NAT10: variants seen among roughly 807,000 people sequenced by gnomAD.
NAT10 encodes the protein RNA cytidine acetyltransferase.
Under a neutral mutation model 132.2 loss-of-function variants are expected in NAT10, and 109 were observed. The observed-to-expected ratio is 0.82, with a 90% CI of 0.71 to 0.97. The LOEUF (loss-of-function observed/expected upper bound fraction) is 0.97. NAT10 is among the 50% of genes least tolerant of loss of function. The pLI, the probability that NAT10 is intolerant of heterozygous loss-of-function variation, is 0.00. For missense variants in NAT10, 1,184 were observed against 1,263.4 expected (o/e 0.94, Z 0.95); for synonymous variants, 479 against 478.0 (o/e 1.00, Z -0.03).
intron 19 of NAT10, among the ~76,000 whole-genome samples, chr11:34,136,358 A>G (rs1334882566): frequency 6.6e-6 from 1 of 152,210 alleles, no homozygotes; most frequent in Non-Finnish European, 1.5e-5. Flanking sequence ...CTGGGATTAC[A>G]GGCATGAGCC....
chr11:34,125,623 G>T (rs1401660597), intron 11 of NAT10, among the ~76,000 whole-genome samples: 1 of 152,182 alleles, frequency 6.6e-6, no homozygotes, highest in Non-Finnish European at 1.5e-5. Flanking sequence ...CCTTGAAGAA[G>T]ACAAGATCTG....
chr11:34,137,173 T>C, intron 21 of NAT10, 147 bp downstream of exon 21: 1 of 794,672 alleles, frequency 1.3e-6, no homozygotes, highest in Non-Finnish European at 2.1e-6. Flanking sequence ...CTGATGGACA[T>C]GGAAACAGCC....
Position 34,108,798 on chromosome 11 carries a change from G to C in NAT10, c.165G>C (p.Val55=), listed in dbSNP as rs781170067. The change falls in exon 3 of 29, where the codon GTG becomes GTC. Residue 55 remains valine (V), a synonymous_variant. Coordinates refer to ENST00000257829, the MANE Select transcript of NAT10 (RefSeq NM_024662.3). ...SKATVKARPS[V]LWCYKKELGF... ...CAACTGTGAAGGCTCGGCCTTCAGT[G>C]CTGTGGTGTTATAAGAAAGAGCTGG... 2 of 1,613,888 alleles carry C rather than the reference G, an allele frequency of 1.2e-6. No individual in the cohort carries two copies. The highest frequency in any genetic ancestry group is 2.7e-5 in the African/African-American group (2 of 74,922).
chr11:34,108,055 T>C (rs1419560452), intron 1 of NAT10, among the ~76,000 whole-genome samples, 156 bp from the exon 2 acceptor site: 1 of 152,216 alleles, frequency 6.6e-6, no homozygotes, highest in African/African-American at 2.4e-5. Flanking sequence ...AGTTTAAAAC[T>C]AGAGGCTGAT....
chr11:34,113,749 A>C lies in NAT10; in HGVS notation c.406A>C (p.Arg136=), dbSNP rs1851738511. 2 of 1,613,418 alleles carry C rather than the reference A, an allele frequency of 1.2e-6. No individual in the cohort carries two copies. The highest frequency in any genetic ancestry group is 2.7e-5 in the African/African-American group (2 of 74,870). ...AGCCTTAACTCCAAACTTGCTGGCC[A>C]GGACTGTAGAAACAGTGGAAGGTGG... ...FEALTPNLLA[R]TVETVEGGGL... is the part of the protein sequence containing the mutation. The change falls in exon 5 of 29, where the codon AGG becomes CGG. Residue 136 remains arginine, a synonymous_variant. Coordinates refer to ENST00000257829, the MANE Select transcript of NAT10 (RefSeq NM_024662.3).
intron 21 of NAT10, 58 bp downstream of exon 21, chr11:34,137,084 G>A: frequency 1.9e-6 from 3 of 1,591,486 alleles, no homozygotes; most frequent in Non-Finnish European, 2.6e-6. Flanking sequence ...TAGGTGACAG[G>A]CCTGTCCTTG....
At chr11:34,109,275 G>C (rs988750789) in intron 3 of NAT10, among the ~76,000 whole-genome samples, 2 of 151,982 alleles carry the variant, frequency 1.3e-5, no homozygotes, top group African/African-American at 4.8e-5. Context: ...TCTTTCCTCT[G>C]CTGGCCACCC....
intron 8 of NAT10, among the ~76,000 whole-genome samples, chr11:34,118,886 A>G (rs1851834463): frequency 6.6e-6 from 1 of 152,208 alleles, no homozygotes; most frequent in Non-Finnish European, 1.5e-5. Flanking sequence ...CTGAGATTAC[A>G]GGCATGATCC....
At chr11:34,137,915 C>T (rs1235737308) in intron 21 of NAT10, among the ~76,000 whole-genome samples, 6 of 152,186 alleles carry the variant, frequency 3.9e-5, no homozygotes, top group Non-Finnish European at 7.3e-5. Context: ...GATTTGTCAG[C>T]AGCGGTGAGC....
intron 1 of NAT10, among the ~76,000 whole-genome samples, chr11:34,106,806 C>T (rs943861324): frequency 6.6e-6 from 1 of 152,156 alleles, no homozygotes; most frequent in African/African-American, 2.4e-5. Flanking sequence ...TATAGTAAGA[C>T]ATATGCTAAA....
chr11:34,145,472 T>C (rs1004879117), intron 28 of NAT10, among the ~76,000 whole-genome samples: 1 of 152,200 alleles, frequency 6.6e-6, no homozygotes, highest in Non-Finnish European at 1.5e-5. Flanking sequence ...ATTTAACCTG[T>C]AAGTTTCTTA....
Position 34,128,821 on chromosome 11 carries a change from G to A in NAT10, c.1244+1222G>A, listed in dbSNP as rs150354207. On this transcript the variant is annotated intron_variant, in intron 12 of 28. Coordinates refer to ENST00000257829, the MANE Select transcript of NAT10 (RefSeq NM_024662.3). Reference sequence around the variant, plus strand: ...TTTTATCACCCCATAAAGAAAGCCTGTGCATCCTCCTCCAGTTCCTCCACA... The same window carrying A: ...TTTTATCACCCCATAAAGAAAGCCTATGCATCCTCCTCCAGTTCCTCCACA... 5.3e-5 allele frequency among the ~76,000 whole-genome samples: 8 copies of A among 152,274 alleles called. No individual in the cohort carries two copies. In the East Asian group the frequency reaches 9.6e-4, roughly 18 times the overall value.
At chr11:34,116,212 G>A (rs1005108205) in intron 6 of NAT10, among the ~76,000 whole-genome samples, 5 of 152,110 alleles carry the variant, frequency 3.3e-5, no homozygotes, top group Non-Finnish European at 7.3e-5. Flanking sequence ...ATTTCATAGA[G>A]CAGTAGTCTT....
rs747520569 is a variant in NAT10 at position 34,130,862 on chromosome 11, C to T, written c.1294C>T (p.Arg432Cys). 13 of 1,614,016 alleles carry T rather than the reference C, an allele frequency of 8.1e-6. No individual in the cohort carries two copies. Among genetic ancestry groups the T allele is most frequent in the South Asian group, 5.5e-5 (5 of 91,080 alleles). ...SLSLKLIQQL[R>C]QQSAQSQVST... Reference sequence around the variant, plus strand: ...GTCCCTCAAGCTAATTCAGCAGCTCCGTCAACAGAGCGCCCAGAGCCAGGT... The same window carrying T: ...GTCCCTCAAGCTAATTCAGCAGCTCTGTCAACAGAGCGCCCAGAGCCAGGT... Residue 432 changes from arginine to cysteine, a missense_variant, in exon 13 of 29, where the codon CGT becomes TGT. By Grantham distance (180) the Arg-to-Cys change is radical. Coordinates refer to ENST00000257829, the MANE Select transcript of NAT10 (RefSeq NM_024662.3).
chr11:34,119,221 C>T (rs1851841251), intron 8 of NAT10, among the ~76,000 whole-genome samples: 1 of 152,172 alleles, frequency 6.6e-6, no homozygotes, highest in Admixed American at 6.5e-5. Flanking sequence ...TCTGGTGGTT[C>T]CTGGGCCATG....
At chr11:34,144,655 G>A (rs553375647) in intron 28 of NAT10, among the ~76,000 whole-genome samples, 1 of 152,294 alleles carries the variant, frequency 6.6e-6, no homozygotes, top group Non-Finnish European at 1.5e-5. Context: ...ACCACTCTTT[G>A]AAAATCTTCA....
chr11:34,134,197 G>A (rs1035705119), intron 16 of NAT10, 122 bp from the exon 17 acceptor site: 33 of 797,400 alleles, frequency 4.1e-5, no homozygotes, highest in Non-Finnish European at 6.9e-5. Flanking sequence ...GTCAGTGTCA[G>A]GGTTAAACCT....
rs766092557 is a variant in NAT10 at position 34,136,788 on chromosome 11, C to T, written c.2162+13C>T. The T allele has an allele frequency of 5.0e-6, 8 of 1,614,122 alleles. No individual in the cohort carries two copies. Among genetic ancestry groups the T allele is most frequent in the Non-Finnish European group, 6.8e-6 (8 of 1,180,030 alleles). On this transcript the variant is annotated intron_variant, in intron 20 of 28. Coordinates refer to ENST00000257829, the MANE Select transcript of NAT10 (RefSeq NM_024662.3). ...CCAGGCTCCTCAAGTAAGTGCCTGC[C>T]CTCCTTCCACGGCATCACTCCTTGG...
chr11:34,141,096 T>C lies in NAT10; in HGVS notation c.2600T>C (p.Leu867Pro). The change falls in exon 25 of 29, where the codon CTC (leucine) becomes CCC (proline). Residue 867 changes from leucine to proline, a missense_variant. Leu to Pro is a moderately conservative substitution (Grantham distance 98). Coordinates refer to ENST00000257829, the MANE Select transcript of NAT10 (RefSeq NM_024662.3). ...LALSAAQSAL[L>P]LGIGLQHKSV... is the part of the protein sequence containing the mutation. ...AGATTTTCCATCCTTTAGGCTCTTC[T>C]CTTGGGGATTGGCCTGCAGCATAAG... 2 of 1,613,966 alleles carry C rather than the reference T, an allele frequency of 1.2e-6. No individual in the cohort carries two copies. Among genetic ancestry groups the C allele is most frequent in the Non-Finnish European group, 1.7e-6 (2 of 1,180,002 alleles).
Sources: allele counts gnomAD v4.1 joint callset (sites outside exome capture counted in the v4.1 genomes callset), GRCh38; gene constraint gnomAD v4.1.1; transcripts MANE v1.5; gene names NCBI Gene and HGNC (gene_info 2026-07-23, HGNC 2026-07-21).